Variants in LRRC7 observed in about 807,000 individuals in gnomAD.
LRRC7 encodes leucine rich repeat containing 7.
LRRC7 carries 23 observed loss-of-function variants against 175.7 expected under a neutral mutation model. That is an observed-to-expected ratio of 0.13 (90% CI 0.09 to 0.19). LRRC7 has a LOEUF of 0.19. Ranked by LOEUF, LRRC7 falls within the 10% of genes least tolerant of loss-of-function variation. The pLI is 1.00. For synonymous variants in LRRC7, 685 were observed against 680.9 expected (o/e 1.01, Z -0.09); for missense variants, 1,354 against 1,904.7 (o/e 0.71, Z 5.38).
At chr1:69,907,525 G>GT in intron 7 of LRRC7, among the ~76,000 whole-genome samples, 1 of 152,114 alleles carries the variant, frequency 6.6e-6, no homozygotes, top group East Asian at 1.9e-4. Context: ...TAATCACGTG[G>GT]TTTTTGTCTT....
In LRRC7 at chr1:70,131,703, G is replaced by A. The variant is rs1028857363; in HGVS notation, c.*9816G>A. Among the ~76,000 whole-genome samples the A allele has an allele frequency of 6.6e-6, 1 of 152,134 alleles. No homozygotes were observed. Among genetic ancestry groups the A allele is most frequent in the East Asian group, 1.9e-4 (1 of 5,198 alleles). ...TATCTTGAAGGAAACAGCCACCATTGCTGTCTTTGATAGCATGATGCCTCA... is the reference window on the plus strand; with the variant it reads ...TATCTTGAAGGAAACAGCCACCATTACTGTCTTTGATAGCATGATGCCTCA... On this transcript the variant is annotated 3_prime_UTR_variant, in exon 27 of 27. Transcript: ENST00000651989.
chr1:69,733,434 A>G (rs1213961805), intron 2 of LRRC7, among the ~76,000 whole-genome samples: 1 of 152,060 alleles, frequency 6.6e-6, no homozygotes, highest in African/African-American at 2.4e-5. Flanking sequence ...TTAGTCCTCC[A>G]GGAAAGGAGG....
intron 11 of LRRC7, among the ~76,000 whole-genome samples, chr1:69,995,510 C>T (rs574039698): frequency 6.6e-6 from 1 of 151,460 alleles, no homozygotes; most frequent in Admixed American, 6.6e-5. Context: ...CCACTAACTC[C>T]TCATCTAGCA....
intron 11 of LRRC7, among the ~76,000 whole-genome samples, chr1:70,005,025 G>A (rs1351700919): frequency 2.0e-5 from 3 of 146,638 alleles, no homozygotes; most frequent in Admixed American, 6.8e-5. Flanking sequence ...TTCAAGATTC[G>A]TTTTTTTTTT....
intron 22 of LRRC7, among the ~76,000 whole-genome samples, chr1:70,051,756 T>A (rs1029188398): frequency 2.0e-5 from 3 of 151,924 alleles, no homozygotes; most frequent in East Asian, 3.9e-4. Flanking sequence ...ATCCATTAGA[T>A]CCTAGGAAGA....
At chr1:69,820,623 G>C (rs1032521634) in intron 4 of LRRC7, among the ~76,000 whole-genome samples, 1 of 152,026 alleles carries the variant, frequency 6.6e-6, no homozygotes, top group Non-Finnish European at 1.5e-5. Context: ...TTGGTTTTCT[G>C]TTCCAGTGTT....
chr1:69,579,264 T>C (rs900351052), intron 1 of LRRC7, among the ~76,000 whole-genome samples: 1 of 152,108 alleles, frequency 6.6e-6, no homozygotes, highest in Non-Finnish European at 1.5e-5. Flanking sequence ...AAGTTAGAAA[T>C]TTACCCTCAC....
intron 7 of LRRC7, among the ~76,000 whole-genome samples, chr1:69,844,432 G>A (rs752323216): frequency 6.6e-6 from 1 of 152,110 alleles, no homozygotes; most frequent in Non-Finnish European, 1.5e-5. Flanking sequence ...CCTTGTGTAA[G>A]TGGAACGTGC....
chr1:69,911,350 G>T (rs1272827356), intron 7 of LRRC7, among the ~76,000 whole-genome samples: 1 of 152,142 alleles, frequency 6.6e-6, no homozygotes, highest in Non-Finnish European at 1.5e-5. Context: ...GCTCCACCCT[G>T]TTGTAAGTTC....
chr1:69,957,333 T>A (rs1023067087), intron 8 of LRRC7, among the ~76,000 whole-genome samples: 3 of 151,908 alleles, frequency 2.0e-5, no homozygotes, highest in Non-Finnish European at 2.9e-5. Flanking sequence ...ACAATTTTTT[T>A]AATATAGATT....
chr1:69,941,787 C>G (rs1186153494), intron 8 of LRRC7, among the ~76,000 whole-genome samples: 5 of 152,026 alleles, frequency 3.3e-5, no homozygotes, highest in Admixed American at 3.3e-4. Context: ...ATGCTTCCTT[C>G]CCCCTTACAT....
chr1:70,067,621 T>C (rs1662074455), intron 23 of LRRC7, among the ~76,000 whole-genome samples: 1 of 152,120 alleles, frequency 6.6e-6, no homozygotes, highest in Admixed American at 6.6e-5. Flanking sequence ...AGATTCATTG[T>C]CTTTCTGAAT....
intron 11 of LRRC7, 52 bp from the exon 12 acceptor site, chr1:70,011,745 C>A: frequency 7.5e-7 from 1 of 1,335,890 alleles, no homozygotes; most frequent in Non-Finnish European, 1.1e-6. Context: ...TTTTTCAAAA[C>A]ATTTTGCTAT....
Position 69,825,329 on chromosome 1 carries a change from T to A in LRRC7, c.422-419T>A, listed in dbSNP as rs554581184. ...TGTATAAGTTCAACCTTCCTAACCT[T>A]ATAAAATGATTATTGGAAGTAAAGA... On this transcript the variant is annotated intron_variant, in intron 4 of 26. Coordinates refer to ENST00000651989, the MANE Select transcript of LRRC7 (RefSeq NM_001370785.2). Among the ~76,000 whole-genome samples the A allele has an allele frequency of 6.6e-5, 10 of 152,316 alleles. No homozygotes were observed. In the East Asian group the frequency reaches 1.7e-3, roughly 26 times the overall value.
chr1:69,715,036 A>G (rs973770580), intron 2 of LRRC7, among the ~76,000 whole-genome samples: 1 of 152,202 alleles, frequency 6.6e-6, no homozygotes, highest in Non-Finnish European at 1.5e-5. Flanking sequence ...TTTCCAAAAT[A>G]TCCTTTAGAG....
chr1:69,917,752 G>T (rs549073410), intron 7 of LRRC7, among the ~76,000 whole-genome samples: 2 of 152,190 alleles, frequency 1.3e-5, no homozygotes, highest in South Asian at 4.1e-4. Context: ...TAGGACAATA[G>T]ACTTTCCTGC....
intron 23 of LRRC7, among the ~76,000 whole-genome samples, chr1:70,069,846 G>A (rs963142812): frequency 6.6e-6 from 1 of 151,998 alleles, no homozygotes; most frequent in Non-Finnish European, 1.5e-5. Flanking sequence ...CTGTCTACCA[G>A]GTCACTGTTT....
intron 7 of LRRC7, among the ~76,000 whole-genome samples, chr1:69,893,480 T>C (rs1938576): frequency 0.4 from 61,535 of 152,118 alleles, 13,397 homozygotes; most frequent in East Asian, 0.55. Context: ...ACACTAATTT[T>C]TGTTTCAGCT....
At chr1:69,858,112 C>A (rs61782570) in intron 7 of LRRC7, among the ~76,000 whole-genome samples, 16 of 152,000 alleles carry the variant, frequency 1.1e-4, no homozygotes, top group African/African-American at 3.1e-4. Flanking sequence ...AAATTAATTC[C>A]AGATGGATTA....
Sources: gnomAD v4.1 joint callset for allele counts (sites outside exome capture counted in the v4.1 genomes callset) on GRCh38, gnomAD v4.1.1 for gene constraint, MANE v1.5 for transcripts, NCBI Gene and HGNC (gene_info 2026-07-23, HGNC 2026-07-21) for gene names.